BRINP2: variants seen among roughly 807,000 people sequenced by gnomAD.
BRINP2 encodes BMP/retinoic acid inducible neural specific 2.
In BRINP2, 21 loss-of-function variants were observed where a neutral mutation model predicts 69.2. The observed-to-expected ratio is 0.30, with a 90% CI of 0.22 to 0.44. The LOEUF (loss-of-function observed/expected upper bound fraction) is 0.44, where lower values mean the gene tolerates loss of function less well. Among genes scored for constraint, BRINP2 ranks in the 20% least tolerant of loss-of-function variants. BRINP2 has a pLI of 1.00. For synonymous variants in BRINP2, 380 were observed against 394.1 expected (o/e 0.96, Z 0.42); for missense variants, 877 against 986.0 (o/e 0.89, Z 1.48).
chr1:177,188,056 T>C (rs1047043098), intron 1 of BRINP2, among the ~76,000 whole-genome samples: 6 of 152,156 alleles, frequency 3.9e-5, no homozygotes, highest in Non-Finnish European at 8.8e-5. Context: ...TTAAATGAAA[T>C]AGTGAAACAA....
At chr1:177,273,010 A>G (rs1386583079) in intron 4 of BRINP2, among the ~76,000 whole-genome samples, 1 of 152,204 alleles carries the variant, frequency 6.6e-6, no homozygotes, top group Non-Finnish European at 1.5e-5. Context: ...TGGGACTTAA[A>G]TGTTTAATAC....
intron 1 of BRINP2, among the ~76,000 whole-genome samples, chr1:177,228,939 C>T (rs1177305065): frequency 6.6e-6 from 1 of 152,194 alleles, no homozygotes; most frequent in Non-Finnish European, 1.5e-5. Context: ...AGGGCAGGCA[C>T]TCATTCATTC....
At chr1:177,208,892 C>G (rs894649071) in intron 1 of BRINP2, among the ~76,000 whole-genome samples, 3 of 152,098 alleles carry the variant, frequency 2.0e-5, no homozygotes, top group Admixed American at 6.6e-5. Flanking sequence ...TTGATGGTAC[C>G]CAGAAATGTA....
intron 1 of BRINP2, among the ~76,000 whole-genome samples, chr1:177,190,390 C>T (rs1361548294): frequency 6.6e-6 from 1 of 152,198 alleles, no homozygotes; most frequent in African/African-American, 2.4e-5. Context: ...CTCAATCTTT[C>T]TCTCTTCCAC....
chr1:177,230,036 C>T lies in BRINP2; in HGVS notation c.160C>T (p.Pro54Ser), dbSNP rs781018149. Residue 54 changes from proline to serine, a missense_variant, in exon 2 of 8, where the codon CCC (proline) becomes TCC (serine). By Grantham distance (74) the Pro-to-Ser change is moderately conservative. This residue lies in a region of BRINP2 where 566 missense variants were observed against 625.2 expected (regional missense o/e 0.91). Transcript: ENST00000361539. ...GCATGCCTCCGTAGCTGGCCAGCAT[C>T]CCCTGGACTGGCTGCTCACAGACCG... ...EQHASVAGQH[P>S]LDWLLTDRGP... The T allele has an allele frequency of 1.8e-5, 29 of 1,613,698 alleles. No homozygotes were observed. The highest frequency in any genetic ancestry group is 5.0e-5 in the Admixed American group (3 of 60,000).
At chr1:177,278,414 T>C in intron 6 of BRINP2, 149 bp from the exon 7 acceptor site, 1 of 722,720 alleles carries the variant, frequency 1.4e-6, no homozygotes, top group Admixed American at 2.3e-5. Flanking sequence ...GTGTTGATTT[T>C]TTTAAAAAAG....
intron 1 of BRINP2, among the ~76,000 whole-genome samples, chr1:177,202,706 G>A (rs1235581674): frequency 1.3e-5 from 2 of 152,066 alleles, no homozygotes; most frequent in Non-Finnish European, 2.9e-5. Context: ...CATTTATGCG[G>A]CCAAAAAACA....
intron 2 of BRINP2, among the ~76,000 whole-genome samples, chr1:177,237,062 C>T (rs754322005): frequency 2.6e-5 from 4 of 152,084 alleles, no homozygotes; most frequent in Non-Finnish European, 2.9e-5. Flanking sequence ...AAAAATGAAG[C>T]GTGAATTCTC....
chr1:177,223,330 G>A (rs1312945426), intron 1 of BRINP2, among the ~76,000 whole-genome samples: 4 of 152,174 alleles, frequency 2.6e-5, no homozygotes, highest in African/African-American at 7.2e-5. Context: ...CTGTACATGT[G>A]TGTGAGTGCT....
At chr1:177,225,364 G>A (rs547526157) in intron 1 of BRINP2, among the ~76,000 whole-genome samples, 6 of 152,162 alleles carry the variant, frequency 3.9e-5, no homozygotes, top group African/African-American at 1.2e-4. Context: ...ACCGTCTTAA[G>A]TGTGGTCTAA....
Position 177,280,720 on chromosome 1 carries a change from A to G in BRINP2, c.1544A>G (p.Lys515Arg). The G allele has an allele frequency of 6.2e-7, 1 of 1,614,226 alleles. No homozygotes were observed. Among genetic ancestry groups the G allele is most frequent in the Non-Finnish European group, 8.5e-7 (1 of 1,180,030 alleles). The change falls in exon 8 of 8, where the codon AAG becomes AGG. Residue 515 changes from lysine to arginine, a missense_variant. This residue lies in a region of BRINP2 where 86 missense variants were observed against 142.1 expected (regional missense o/e 0.61). Coordinates refer to ENST00000361539, the MANE Select transcript of BRINP2 (RefSeq NM_021165.4). ...LETDLQDLEL[K>R]YLLQKQDSRI... ...ACAGACTTGCAGGACCTGGAGCTAA[A>G]GTACCTGCTGCAGAAGCAGGATAGC...
chr1:177,219,923 T>G (rs929049136), intron 1 of BRINP2, among the ~76,000 whole-genome samples: 3 of 152,240 alleles, frequency 2.0e-5, no homozygotes, highest in Admixed American at 2.0e-4. Flanking sequence ...GAAGCCAGTC[T>G]GCTGGGAGGA....
At chr1:177,256,893 G>A (rs1329238625) in intron 3 of BRINP2, 3 of 1,248,484 alleles carry the variant, frequency 2.4e-6, no homozygotes, top group African/African-American at 3.1e-5. Context: ...CCCCTATGAA[G>A]ATGGATTGCT....
At chr1:177,269,121 C>T (rs1474333655) in intron 4 of BRINP2, among the ~76,000 whole-genome samples, 1 of 152,186 alleles carries the variant, frequency 6.6e-6, no homozygotes, top group African/African-American at 2.4e-5. Flanking sequence ...CCCCGGATTT[C>T]CTTTTGATGG....
At chr1:177,215,119 T>A (rs554976352) in intron 1 of BRINP2, among the ~76,000 whole-genome samples, 1 of 152,328 alleles carries the variant, frequency 6.6e-6, no homozygotes, top group East Asian at 1.9e-4. Flanking sequence ...TGAGTTCAAT[T>A]GTTTTAGATT....
chr1:177,217,587 G>T (rs542796716), intron 1 of BRINP2, among the ~76,000 whole-genome samples: 1 of 151,836 alleles, frequency 6.6e-6, no homozygotes, highest in Admixed American at 6.6e-5. Flanking sequence ...TCCTTGTATC[G>T]GTGTTTATGC....
intron 1 of BRINP2, among the ~76,000 whole-genome samples, chr1:177,172,187 C>A (rs1647955814): frequency 6.6e-6 from 1 of 152,222 alleles, no homozygotes; most frequent in East Asian, 1.9e-4. Flanking sequence ...TATTATCGTG[C>A]TCATAGAGCC....
intron 1 of BRINP2, among the ~76,000 whole-genome samples, chr1:177,224,964 G>T (rs553906164): frequency 6.6e-6 from 1 of 152,286 alleles, no homozygotes; most frequent in East Asian, 1.9e-4. Context: ...AATTTTCAAT[G>T]AAGAAATATC....
chr1:177,218,325 C>A (rs1649435169), intron 1 of BRINP2, among the ~76,000 whole-genome samples: 1 of 152,068 alleles, frequency 6.6e-6, no homozygotes, highest in South Asian at 2.1e-4. Flanking sequence ...GAGACTCAAG[C>A]CATGTAACCC....
Sources: gnomAD v4.1 joint callset for allele counts (sites outside exome capture counted in the v4.1 genomes callset) on GRCh38, gnomAD v4.1.1 for gene constraint, gnomAD v4.1.1 regional missense constraint, MANE v1.5 for transcripts, NCBI Gene and HGNC (gene_info 2026-07-23, HGNC 2026-07-21) for gene names.